The following KALRN variants were observed in gnomAD, a reference collection of about 807,000 sequenced individuals.
KALRN encodes the protein kalirin.
In KALRN, 70 loss-of-function variants were observed where a neutral mutation model predicts 353.7. The ratio of observed to expected loss-of-function variants is 0.20; its 90% CI spans 0.16 to 0.24. The LOEUF (loss-of-function observed/expected upper bound fraction) is 0.24, where lower values mean the gene tolerates loss of function less well. Among genes scored for constraint, KALRN ranks in the 10% least tolerant of loss-of-function variants. The probability of loss-of-function intolerance (pLI) is 1.00; values close to 1 mark genes in which losing one functional copy is unlikely to be tolerated. For missense variants in KALRN, 2,791 were observed against 3,756.7 expected (o/e 0.74, Z 6.72); for synonymous variants, 1,391 against 1,434.8 (o/e 0.97, Z 0.69).
At chr3:124,135,723 G>A (rs1402681149) in intron 1 of KALRN, among the ~76,000 whole-genome samples, 1 of 151,942 alleles carries the variant, frequency 6.6e-6, no homozygotes, top group Non-Finnish European at 1.5e-5. Flanking sequence ...GAACAGTCAT[G>A]AAGTTTTCTT....
intron 1 of KALRN, among the ~76,000 whole-genome samples, chr3:124,096,847 G>A (rs139928017): frequency 1.1e-3 from 164 of 152,350 alleles, no homozygotes; most frequent in African/African-American, 3.6e-3. Context: ...GAAATGTCAG[G>A]TTAATGAATT....
At chr3:124,044,828 TC>T (rs1278538249) in intron 1 of KALRN, among the ~76,000 whole-genome samples, 7 of 58,108 alleles carry the variant, frequency 1.2e-4, no homozygotes, top group African/African-American at 3.3e-4. Flanking sequence ...CTTCCTTCCT[TC>T]CTTCCCTCCC....
chr3:124,558,434 C>T (rs1295303079), intron 33 of KALRN, among the ~76,000 whole-genome samples: 3 of 152,146 alleles, frequency 2.0e-5, no homozygotes, highest in Non-Finnish European at 4.4e-5. Context: ...TGCACCACCA[C>T]ACCTGGCTAA....
At chr3:124,182,628 T>G (rs1212400916) in intron 1 of KALRN, among the ~76,000 whole-genome samples, 2 of 152,228 alleles carry the variant, frequency 1.3e-5, no homozygotes, top group Non-Finnish European at 2.9e-5. Flanking sequence ...AAAGCCAGTA[T>G]ATACTCAAGG....
At chr3:124,469,130 C>G (rs573054558) in intron 25 of KALRN, among the ~76,000 whole-genome samples, 1 of 152,186 alleles carries the variant, frequency 6.6e-6, no homozygotes, top group African/African-American at 2.4e-5. Flanking sequence ...TATATCTATG[C>G]AAATAACTTT....
chr3:124,479,848 C>T (rs1179719232), intron 27 of KALRN, among the ~76,000 whole-genome samples: 4 of 151,638 alleles, frequency 2.6e-5, no homozygotes, highest in Admixed American at 6.6e-5. Context: ...CTCAGCCTCC[C>T]GAGTAGCTGG....
At chr3:124,467,014 C>T (rs2060408575) in intron 25 of KALRN, among the ~76,000 whole-genome samples, 1 of 152,202 alleles carries the variant, frequency 6.6e-6, no homozygotes. Flanking sequence ...AAATTAGGGA[C>T]CAACCACCAA....
chr3:124,641,762 T>G lies in KALRN; in HGVS notation c.5664+4459T>G, dbSNP rs138824332. On this transcript the variant is annotated intron_variant, in intron 37 of 59. Transcript: ENST00000682506. ...CTGTGTCATCCTTATCTCCTGTAGC[T>G]TGGTATGAAGCTGGGCACATGGAAA... Among the ~76,000 whole-genome samples, 483 of 152,352 alleles carry G rather than the reference T, an allele frequency of 3.2e-3. 5 individuals are homozygous for G. Among genetic ancestry groups the G allele is most frequent in the African/African-American group, 0.01 (416 of 41,582 alleles).
chr3:124,697,505 A>G, intron 54 of KALRN, 88 bp from the exon 55 acceptor site: 2 of 1,317,126 alleles, frequency 1.5e-6, no homozygotes, highest in Non-Finnish European at 2.0e-6. Context: ...GACATCGGTT[A>G]GGTAATGTTT....
intron 1 of KALRN, among the ~76,000 whole-genome samples, chr3:124,202,839 A>G (rs1232794215): frequency 6.6e-6 from 1 of 152,114 alleles, no homozygotes; most frequent in African/African-American, 2.4e-5. Flanking sequence ...AGAATCTTCT[A>G]GAGTCTCTGG....
At position 124,188,403 on chromosome 3, in the gene KALRN, GA is replaced by G. The variant is rs1486984285; in HGVS notation, c.74-39586del. On this transcript the variant is annotated intron_variant, in intron 1 of 59. Coordinates refer to ENST00000682506, the MANE Select transcript of KALRN (RefSeq NM_001388419.1). ...AGGAGAGAAGCTCTGTAGGGAAAAG[GA>G]CATTCCTGAAAAGATTTCCCTTCAG... 1.2e-4 allele frequency among the ~76,000 whole-genome samples: 19 copies of G among 152,286 alleles called. No homozygotes were observed. The East Asian group carries it at 3.1e-3, about 25-fold the overall frequency.
intron 1 of KALRN, among the ~76,000 whole-genome samples, chr3:124,176,160 C>A (rs1560151549): frequency 6.6e-6 from 1 of 152,126 alleles, no homozygotes; most frequent in Non-Finnish European, 1.5e-5. Context: ...TTCCCCAGAT[C>A]AATCTTCCTA....
chr3:124,354,087 C>T (rs2083122464), intron 10 of KALRN, among the ~76,000 whole-genome samples: 1 of 152,184 alleles, frequency 6.6e-6, no homozygotes, highest in African/African-American at 2.4e-5. Context: ...GGGCAGGAGC[C>T]AATATCCAAG....
intron 3 of KALRN, among the ~76,000 whole-genome samples, chr3:124,237,003 G>A (rs35011878): frequency 0.013 from 2,014 of 152,292 alleles, 29 homozygotes; most frequent in South Asian, 0.023. Context: ...TAAGTGCCTG[G>A]CAGGCCGCAG....
At chr3:124,098,584 A>G (rs2061613363) in intron 1 of KALRN, among the ~76,000 whole-genome samples, 1 of 151,896 alleles carries the variant, frequency 6.6e-6, no homozygotes, top group Admixed American at 6.6e-5. Context: ...TTTCTCTATT[A>G]TCCTCTAACT....
intron 36 of KALRN, among the ~76,000 whole-genome samples, chr3:124,636,618 CA>C (rs1324250199): frequency 1.1e-4 from 16 of 152,218 alleles, no homozygotes; most frequent in Non-Finnish European, 1.6e-4. Flanking sequence ...GTATGTGTGT[CA>C]GGGGCAGAGC....
chr3:124,121,619 A>G (rs2064036466), intron 1 of KALRN, among the ~76,000 whole-genome samples: 1 of 152,210 alleles, frequency 6.6e-6, no homozygotes, highest in Non-Finnish European at 1.5e-5. Flanking sequence ...TCTGGGGCCC[A>G]TGGCACCTGG....
Position 124,477,242 on chromosome 3 carries a change from T to C in KALRN, c.4102-3T>C. On this transcript the variant is annotated splice_polypyrimidine_tract_variant and splice_region_variant and intron_variant, in intron 26 of 59. Transcript: ENST00000682506. ...TATCTATTATTATCTTTGTTCTTTT[T>C]AGGCAGACAAATTTCAGATGTATGT... The C allele has an allele frequency of 6.2e-7, 1 of 1,605,300 alleles. No homozygotes were observed. Among genetic ancestry groups the C allele is most frequent in the Non-Finnish European group, 8.5e-7 (1 of 1,172,064 alleles).
intron 3 of KALRN, among the ~76,000 whole-genome samples, chr3:124,242,182 G>A (rs990838300): frequency 2.0e-5 from 3 of 152,194 alleles, no homozygotes; most frequent in African/African-American, 7.2e-5. Flanking sequence ...AGAAGGCTAG[G>A]CAATGGGGAA....
Sources: gnomAD v4.1 joint callset for allele counts (sites outside exome capture counted in the v4.1 genomes callset) on GRCh38, gnomAD v4.1.1 for gene constraint, MANE v1.5 for transcripts, NCBI Gene and HGNC (gene_info 2026-07-23, HGNC 2026-07-21) for gene names.